NELFA: variants seen among roughly 807,000 people sequenced by gnomAD.
NELFA encodes negative elongation factor A.
Under a neutral mutation model 51.8 loss-of-function variants are expected in NELFA, and 35 were observed. The observed-to-expected ratio is 0.68, with a 90% CI of 0.52 to 0.90. The LOEUF (loss-of-function observed/expected upper bound fraction) is 0.90. Among genes scored for constraint, NELFA ranks in the 40% least tolerant of loss-of-function variants. The probability of loss-of-function intolerance (pLI) is 0.00; values close to 1 mark genes in which losing one functional copy is unlikely to be tolerated. For synonymous variants in NELFA, 417 were observed against 338.4 expected (o/e 1.23, Z -2.55); for missense variants, 658 against 746.4 (o/e 0.88, Z 1.38).
In NELFA at chr4:1,986,351, G is replaced by C. The variant is rs1303540476; in HGVS notation, c.686C>G (p.Pro229Arg). 5.0e-6 allele frequency: 8 copies of C among 1,606,534 alleles called. No homozygotes were observed. The highest frequency in any genetic ancestry group is 1.3e-5 in the African/African-American group (1 of 74,924). The change falls in exon 5 of 11, where the codon CCC (proline) becomes CGC (arginine). Residue 229 changes from proline to arginine, a missense_variant. Physicochemically the swap from Pro to Arg is moderately radical, Grantham distance 103 (BLOSUM62 -2). Around this residue, in one of 3 missense-constraint regions of NELFA, gnomAD observed 371 missense variants for 448.3 expected, o/e 0.83. Coordinates refer to ENST00000382882, the MANE Select transcript of NELFA (RefSeq NM_005663.5). ...KQAPFRSPTA[P>R]SVFSPTGNRT... is the part of the protein sequence containing the mutation. ...GTTCCCTGTGGGGCTGAAGACGCTG[G>C]GCGCCGTGGGGCTTCTGAAGGGCGC...
At chr4:1,999,663 G>C (rs931793724) in intron 1 of NELFA, among the ~76,000 whole-genome samples, 1 of 152,088 alleles carries the variant, frequency 6.6e-6, no homozygotes, top group Non-Finnish European at 1.5e-5. Context: ...GACCTACAAC[G>C]AGACTTAGAC....
rs1728028673 is a variant in NELFA at position 1,984,761 on chromosome 4, C to A, written c.1036+47G>T. On this transcript the variant is annotated intron_variant, in intron 8 of 10. Transcript: ENST00000382882. ...GCAGCGCCCGTGGGCAAGGTCATGT[C>A]CTGGCAGGCAGCTTGGCTGGTTCCA... 6 of 1,427,294 alleles carry A rather than the reference C, an allele frequency of 4.2e-6. No homozygotes were observed. In the African/African-American group the frequency reaches 4.2e-5, roughly 10 times the overall value. The allele number at this position is 1,427,294 out of a possible 1,614,324, so 88.4% of individuals were successfully genotyped here.
chr4:1,989,578 C>T lies in NELFA; in HGVS notation c.544+130G>A, dbSNP rs982639414. The T allele has an allele frequency of 9.8e-7, 1 of 1,021,958 alleles. No homozygotes were observed. The highest frequency in any genetic ancestry group is 1.4e-6 in the Non-Finnish European group (1 of 704,886). 63.3% of individuals were successfully genotyped at this position (1,021,958 alleles called of 1,614,324 possible). ...AAACGACCCACCTGCCCCAGCCTCC[C>T]AACAGGTGTGAGCCACCATGCCTGG... On this transcript the variant is annotated intron_variant, in intron 3 of 10. Coordinates refer to ENST00000382882, the MANE Select transcript of NELFA (RefSeq NM_005663.5). The surrounding 1 kb of genome is among the most constrained non-coding windows in gnomAD (Gnocchi z 4.8).
At chr4:2,008,652 G>A in intron 1 of NELFA, 98 bp downstream of exon 1, 15 of 1,429,822 alleles carry the variant, frequency 1.0e-5, no homozygotes, top group Middle Eastern at 2.2e-4. Flanking sequence ...GGATGGGAAG[G>A]TTGGGGGAGG....
intron 1 of NELFA, among the ~76,000 whole-genome samples, chr4:2,001,676 G>A (rs933871851): frequency 6.6e-6 from 1 of 151,972 alleles, no homozygotes; most frequent in Non-Finnish European, 1.5e-5. Context: ...GCTGAGGCAG[G>A]CAGATTACCT....
At chr4:2,008,625 G>T (rs1728778306) in intron 1 of NELFA, 125 bp downstream of exon 1, 6 of 1,151,854 alleles carry the variant, frequency 5.2e-6, no homozygotes, top group South Asian at 1.5e-5. Context: ...GGCCGGGGGG[G>T]TTAACAGTCT....
intron 3 of NELFA, among the ~76,000 whole-genome samples, chr4:1,988,927 A>T (rs1728190604): frequency 6.6e-6 from 1 of 150,490 alleles, no homozygotes; most frequent in South Asian, 2.1e-4. Context: ...GCCTTCACCT[A>T]AAATTCTGAA....
In NELFA at chr4:1,987,923, G is replaced by A. The variant is rs1049799261; in HGVS notation, c.629C>T (p.Thr210Ile). Residue 210 changes from threonine to isoleucine, a missense_variant, in exon 4 of 11, where the codon ACC becomes ATC. Thr to Ile is a moderately conservative substitution (Grantham distance 89, BLOSUM62 -1). Coordinates refer to ENST00000382882, the MANE Select transcript of NELFA (RefSeq NM_005663.5). The stretch of plus-strand genomic sequence containing the variant: ...CACCAGGGTGGGGGCCTTACTGGTG[G>A]TGTCCATCTTCCGCAGCAGCCCCCG... ...KGRGLLRKMD[T>I]TTPLKGIPKQ... 6 of 1,605,514 alleles carry A rather than the reference G, an allele frequency of 3.7e-6. No individual in the cohort carries two copies. Among genetic ancestry groups the A allele is most frequent in the Non-Finnish European group, 4.2e-6 (5 of 1,177,440 alleles).
Position 1,986,375 on chromosome 4 carries a change from G to A in NELFA, c.662C>T (p.Ala221Val), listed in dbSNP as rs761072900. Reference sequence around the variant, plus strand: ...GGGCGCCGTGGGGCTTCTGAAGGGCGCCTGCTTCGGGATGCCTTTGAGTGG... The same window carrying A: ...GGGCGCCGTGGGGCTTCTGAAGGGCACCTGCTTCGGGATGCCTTTGAGTGG... ...TTPLKGIPKQ[A>V]PFRSPTAPSV... is the part of the protein sequence containing the mutation. The change falls in exon 5 of 11, where the codon GCG becomes GTG. Residue 221 changes from alanine (A) to valine (V), a missense_variant. Ala to Val is a moderately conservative substitution (Grantham distance 64). This residue lies in a region of NELFA where 371 missense variants were observed against 448.3 expected (regional missense o/e 0.83). Transcript: ENST00000382882. 14 of 1,610,978 alleles carry A rather than the reference G, an allele frequency of 8.7e-6. No individual in the cohort carries two copies. Among genetic ancestry groups the A allele is most frequent in the African/African-American group, 6.7e-5 (5 of 74,882 alleles).
chr4:1,986,027 C>T, intron 6 of NELFA, 87 bp downstream of exon 6: 2 of 1,464,156 alleles, frequency 1.4e-6, no homozygotes, highest in Non-Finnish European at 1.8e-6. Context: ...CACAGCCCTG[C>T]CCGCCGAGCG....
chr4:1,985,184 G>A (rs1018867876), intron 7 of NELFA, among the ~76,000 whole-genome samples: 3 of 152,176 alleles, frequency 2.0e-5, no homozygotes, highest in African/African-American at 7.2e-5. Flanking sequence ...AGCACAGAAG[G>A]AGCGATGCTT....
intron 1 of NELFA, chr4:2,003,702 G>C (rs927962700): frequency 6.6e-6 from 1 of 152,132 alleles, no homozygotes; most frequent in Non-Finnish European, 1.5e-5. Flanking sequence ...TGCACACAGA[G>C]AGGGGAACAA....
chr4:2,007,872 A>C (rs990616202), intron 1 of NELFA: 2 of 420,146 alleles, frequency 4.8e-6, no homozygotes, highest in Non-Finnish European at 9.5e-6. Flanking sequence ...ACGTTTAAAC[A>C]ACCATGGGGC....
chr4:2,008,728 C>A (rs1560891815), intron 1 of NELFA, 22 bp downstream of exon 1: 1 of 1,586,308 alleles, frequency 6.3e-7, no homozygotes, highest in East Asian at 2.3e-5. Context: ...CTGGGGGCCG[C>A]GGGGCGCCAC....
intron 1 of NELFA, chr4:2,007,165 C>A: frequency 2.4e-6 from 1 of 421,998 alleles, no homozygotes; most frequent in South Asian, 1.7e-5. Context: ...CACGATGGTG[C>A]CACTGCACTC....
At chr4:2,008,610 G>A (rs1728777437) in intron 1 of NELFA, 140 bp downstream of exon 1, 2 of 957,860 alleles carry the variant, frequency 2.1e-6, no homozygotes, top group Non-Finnish European at 3.0e-6. Context: ...GGGGGCGTGA[G>A]GGCGGGCCGG....
chr4:1,993,224 A>G (rs1229511201), intron 1 of NELFA, among the ~76,000 whole-genome samples: 1 of 152,240 alleles, frequency 6.6e-6, no homozygotes, highest in Non-Finnish European at 1.5e-5. Context: ...TGTGGAGTCA[A>G]TGTTTTCTCT....
chr4:1,983,554 A>T, intron 10 of NELFA, 42 bp downstream of exon 10: 2 of 1,611,994 alleles, frequency 1.2e-6, no homozygotes, highest in Non-Finnish European at 1.7e-6. Flanking sequence ...CCCGCCCCCA[A>T]CCCGGCCCGG....
chr4:1,993,720 G>A lies in NELFA; in HGVS notation c.211-2005C>T, dbSNP rs184231618. Among the ~76,000 whole-genome samples the A allele has an allele frequency of 4.6e-3, 696 of 151,952 alleles. 22 individuals are homozygous for A. Among genetic ancestry groups the A allele is most frequent in the Admixed American group, 0.042 (635 of 15,288 alleles). ...CAATTAAGGCGCTGGTGGATTCCCC[G>A]CCTGGTGGGGGCCCCTTCCAGCTTC... On this transcript the variant is annotated intron_variant, in intron 1 of 10. Transcript: ENST00000382882.
Sources: gnomAD v4.1 joint callset for allele counts (sites outside exome capture counted in the v4.1 genomes callset) on GRCh38, gnomAD v4.1.1 for gene constraint, gnomAD v4.1.1 regional missense constraint, Gnocchi (gnomAD v3.1) non-coding constraint, MANE v1.5 for transcripts, NCBI Gene and HGNC (gene_info 2026-07-23, HGNC 2026-07-21) for gene names.